Variants in SHOX observed in about 807,000 individuals in gnomAD.
The protein encoded by SHOX is short stature homeobox protein.
In SHOX, 12 loss-of-function variants were observed where a neutral mutation model predicts 29.6. That is an observed-to-expected ratio of 0.41 (90% CI 0.26 to 0.66). The LOEUF (loss-of-function observed/expected upper bound fraction) is 0.66, where lower values mean the gene tolerates loss of function less well. Among genes scored for constraint, SHOX ranks in the 30% least tolerant of loss-of-function variants. The probability of loss-of-function intolerance (pLI) is 0.35; values close to 1 mark genes in which losing one functional copy is unlikely to be tolerated. For synonymous variants in SHOX, 214 were observed against 200.6 expected (o/e 1.07, Z -0.57); for missense variants, 499 against 437.7 (o/e 1.14, Z -1.25).
At position 645,388 on chromosome X, in the gene SHOX, G is replaced by GTTTTTTTTTTTTTTTTTTTTTTTTT. The variant is rs1398738646; in HGVS notation, c.*753_*754insTTTTTTTTTTTTTTTTTTTTTTTTT. Reference sequence around the variant, plus strand: ...TTGGGTCTGGTTTTGTTTTGGATTGGTATTTTTTTTTTTTTTTTTTTTTTT... The same window carrying GTTTTTTTTTTTTTTTTTTTTTTTTT: ...TTGGGTCTGGTTTTGTTTTGGATTGGTTTTTTTTTTTTTTTTTTTTTTTTTTATTTTTTTTTTTTTTTTTTTTTTT... On this transcript the variant is annotated 3_prime_UTR_variant, in exon 5 of 5. Transcript: ENST00000686671. The GTTTTTTTTTTTTTTTTTTTTTTTTT allele has an allele frequency of 5.1e-5, 4 of 77,748 alleles. 1 individual carries two copies. The highest frequency in any genetic ancestry group is 1.6e-4 in the African/African-American group (4 of 24,340). The allele number at this position is 77,748 out of a possible 1,614,324, so 4.8% of individuals were successfully genotyped here.
chrX:627,389 GT>G (rs1376668790), upstream of SHOX, among the ~76,000 whole-genome samples: 1 of 152,124 alleles, frequency 6.6e-6, no homozygotes, highest in Admixed American at 6.5e-5. Context: ...GGGAGAGAAC[GT>G]AAAAGCTCTG....
At chrX:629,298 T>G (rs2052603968), upstream of SHOX, among the ~76,000 whole-genome samples, 1 of 151,122 alleles carries the variant, frequency 6.6e-6, no homozygotes, top group African/African-American at 2.4e-5. Context: ...TCTCCCTGTC[T>G]GTCTCTTTCT....
At chrX:652,406 G>C (rs950766617), downstream of SHOX, among the ~76,000 whole-genome samples, 5 of 121,830 alleles carry the variant, frequency 4.1e-5, no homozygotes, top group African/African-American at 1.6e-4. Flanking sequence ...GATTGGATTT[G>C]GCCGGCCTGA....
rs2052967676 is a variant in SHOX, at chrX:646,555, C to A, written c.*1919C>A. On this transcript the variant is annotated 3_prime_UTR_variant, in exon 5 of 5. Transcript: ENST00000686671. ...GATAAAAGAAAAAAAAAAACAACTT[C>A]TTTTTTTCTTCCGCATAACACTTTC... is the stretch of plus-strand genomic sequence containing the variant. The A allele has an allele frequency of 1.3e-5, 2 of 151,666 alleles. No homozygotes were observed. Among genetic ancestry groups the A allele is most frequent in the South Asian group, 2.1e-4 (1 of 4,796 alleles). The allele number at this position is 151,666 out of a possible 1,614,324, so 9.4% of individuals were successfully genotyped here.
downstream of SHOX, among the ~76,000 whole-genome samples, chrX:652,340 ATTTTT>A (rs746162755): frequency 1.6e-4 from 21 of 135,160 alleles, no homozygotes; most frequent in Non-Finnish European, 3.1e-4. Flanking sequence ...AAAATGACAA[ATTTTT>A]TTTTTTTTTT....
rs1310665532 is a variant in SHOX, at chrX:644,504, C to T, written c.747C>T (p.Pro249=). ...LMFPPPPFGL[P]IASLAESASA... is the part of the protein sequence containing the mutation. ...TCCCCCCGCCGCCCTTCGGGCTGCC[C>T]ATCGCGTCGCTGGCCGAGTCCGCCT... Residue 249 remains proline, a synonymous_variant, in exon 5 of 5, where the codon CCC becomes CCT. Coordinates refer to ENST00000686671, the MANE Select transcript of SHOX (RefSeq NM_000451.4). 13 of 1,521,280 alleles carry T rather than the reference C, an allele frequency of 8.5e-6. No individual in the cohort carries two copies. Among genetic ancestry groups the T allele is most frequent in the Non-Finnish European group, 1.1e-5 (13 of 1,141,308 alleles). The allele number at this position is 1,521,280 out of a possible 1,614,324, so 94.2% of individuals were successfully genotyped here. A position where few individuals can be genotyped will look rare whatever the true frequency, so the allele number is the denominator to read the frequency against.
At chrX:633,748 C>A (rs760307184) in intron 1 of SHOX, among the ~76,000 whole-genome samples, 51 of 152,150 alleles carry the variant, frequency 3.4e-4, no homozygotes, top group Non-Finnish European at 4.9e-4. Context: ...AACAGAGGGG[C>A]GTTGGAGATG....
downstream of SHOX, among the ~76,000 whole-genome samples, chrX:655,435 T>C (rs1481582575): frequency 6.6e-6 from 1 of 151,262 alleles, no homozygotes; most frequent in Non-Finnish European, 1.5e-5. Flanking sequence ...TGAGACCTTT[T>C]CTCTCCAAAA....
chrX:652,819 T>C (rs989150601), downstream of SHOX, among the ~76,000 whole-genome samples: 7 of 152,050 alleles, frequency 4.6e-5, no homozygotes, highest in Non-Finnish European at 8.8e-5. Context: ...AGAAGAAAAA[T>C]GGTGCTTTTT....
Position 651,143 on chromosome X carries a change from C to G in SHOX, c.*6507C>G, listed in dbSNP as rs2053054615. 1 of 369,544 alleles carries G rather than the reference C, an allele frequency of 2.7e-6. No homozygotes were observed. The allele number at this position is 369,544 out of a possible 1,614,324, so 22.9% of individuals were successfully genotyped here. A position where few individuals can be genotyped will look rare whatever the true frequency, so the allele number is the denominator to read the frequency against. The stretch of plus-strand genomic sequence containing the variant: ...TTGGTCGGACGTTCATAAATATGTA[C>G]TATTTTAATTATGTCGAGTGTAAAT... On this transcript the variant is annotated 3_prime_UTR_variant, in exon 5 of 5. Coordinates refer to ENST00000686671, the MANE Select transcript of SHOX (RefSeq NM_000451.4).
rs1017769497 is a variant in SHOX, at chrX:648,415, C to T, written c.*3779C>T. ...AATTTTTTTGCATTTTTGGTAGAGACAGGTTTTTGCTGTGTTGGCCCGGCT... is the reference window on the plus strand; with the variant it reads ...AATTTTTTTGCATTTTTGGTAGAGATAGGTTTTTGCTGTGTTGGCCCGGCT... On this transcript the variant is annotated 3_prime_UTR_variant, in exon 5 of 5. Coordinates refer to ENST00000686671, the MANE Select transcript of SHOX (RefSeq NM_000451.4). 6.6e-6 allele frequency among the ~76,000 whole-genome samples: 1 copy of T among 152,148 alleles called. No individual in the cohort carries two copies. The highest frequency in any genetic ancestry group is 2.4e-5 in the African/African-American group (1 of 41,430).
In SHOX at chrX:644,484, C is replaced by A; in HGVS notation, c.727C>A (p.Pro243Thr). The stretch of plus-strand genomic sequence containing the variant: ...GCACGCGCCCTACCTGATGTTCCCC[C>A]CGCCGCCCTTCGGGCTGCCCATCGC... The part of the protein sequence containing the change: ...AAHAPYLMFP[P>T]PPFGLPIASL... The change falls in exon 5 of 5, where the codon CCG (proline) becomes ACG (threonine). Residue 243 changes from proline to threonine, a missense_variant. Pro to Thr is a conservative substitution (Grantham distance 38, BLOSUM62 -1). Coordinates refer to ENST00000686671, the MANE Select transcript of SHOX (RefSeq NM_000451.4). 6.6e-7 allele frequency: 1 copy of A among 1,523,942 alleles called. No homozygotes were observed. The highest frequency in any genetic ancestry group is 8.7e-7 in the Non-Finnish European group (1 of 1,142,864). The allele number at this position is 1,523,942 out of a possible 1,614,324, so 94.4% of individuals were successfully genotyped here.
intron 2 of SHOX, among the ~76,000 whole-genome samples, chrX:635,857 GGAGA>G (rs369333132): frequency 0.35 from 51,215 of 145,946 alleles, 9,842 homozygotes; most frequent in East Asian, 0.68. Flanking sequence ...GTGGGGGGAG[GGAGA>G]GAGAGAGAGA....
chrX:654,546 C>T (rs137996017), downstream of SHOX, among the ~76,000 whole-genome samples: 2,663 of 151,974 alleles, frequency 0.018, 78 homozygotes, highest in African/African-American at 0.061. Flanking sequence ...GCATCCTGTG[C>T]TGAAATATAA....
chrX:634,142 G>A (rs1398461996), intron 1 of SHOX, among the ~76,000 whole-genome samples: 2 of 152,180 alleles, frequency 1.3e-5, no homozygotes, highest in Non-Finnish European at 2.9e-5. Context: ...GCCAGATCGC[G>A]GAGGGACCCC....
chrX:652,008 C>T (rs957655669), downstream of SHOX, among the ~76,000 whole-genome samples: 17 of 152,162 alleles, frequency 1.1e-4, no homozygotes, highest in Non-Finnish European at 2.5e-4. Flanking sequence ...CCGCGACCTC[C>T]GCCTCCCGGG....
At chrX:625,765 T>A (rs747046509) in intron 1 of SHOX, among the ~76,000 whole-genome samples, 2 of 150,478 alleles carry the variant, frequency 1.3e-5, no homozygotes, top group Admixed American at 6.6e-5. Context: ...TCTGTCTGTA[T>A]CTCTGTCTGT....
rs1569495873 is a variant in SHOX, at chrX:650,085, C to T, written c.*5449C>T. ...TAGAAAAATGCACCTTCTCTGGTGGCCGTTGGGGTGTTGTTTCACAGGCAG... is the reference window on the plus strand; with the variant it reads ...TAGAAAAATGCACCTTCTCTGGTGGTCGTTGGGGTGTTGTTTCACAGGCAG... On this transcript the variant is annotated 3_prime_UTR_variant, in exon 5 of 5. Transcript: ENST00000686671. 8.9e-6 allele frequency: 4 copies of T among 448,816 alleles called. No individual in the cohort carries two copies. Among genetic ancestry groups the T allele is most frequent in the Admixed American group, 2.4e-5 (1 of 42,094 alleles). The allele number at this position is 448,816 out of a possible 1,614,324, so 27.8% of individuals were successfully genotyped here. A position where few individuals can be genotyped will look rare whatever the true frequency, so the allele number is the denominator to read the frequency against.
intron 1 of SHOX, among the ~76,000 whole-genome samples, chrX:632,314 G>C (rs2052665401): frequency 6.6e-6 from 1 of 151,988 alleles, no homozygotes; most frequent in Admixed American, 6.6e-5. Context: ...GGGAGTAAGA[G>C]GCTCAGAGAG....
Sources: gnomAD v4.1 joint callset for allele counts (sites outside exome capture counted in the v4.1 genomes callset) on GRCh38, gnomAD v4.1.1 for gene constraint, MANE v1.5 for transcripts, NCBI Gene and HGNC (gene_info 2026-07-23, HGNC 2026-07-21) for gene names.